CAP2: variants seen among roughly 807,000 people sequenced by gnomAD.
CAP2 encodes adenylyl cyclase-associated protein 2.
In CAP2, 24 loss-of-function variants were observed where a neutral mutation model predicts 57.7. The ratio of observed to expected loss-of-function variants is 0.42; its 90% CI spans 0.30 to 0.58. The LOEUF (loss-of-function observed/expected upper bound fraction) is 0.58. Ranked by LOEUF, CAP2 falls within the 20% of genes least tolerant of loss-of-function variation. The pLI is 0.22. For synonymous variants in CAP2, 194 were observed against 207.2 expected (o/e 0.94, Z 0.55); for missense variants, 501 against 590.3 (o/e 0.85, Z 1.57).
intron 12 of CAP2, among the ~76,000 whole-genome samples, chr6:17,552,931 T>TA (rs148488301): frequency 0.012 from 1,847 of 152,048 alleles, 19 homozygotes; most frequent in Non-Finnish European, 0.019. Flanking sequence ...CATTTCAGTT[T>TA]AAAAAAACAA....
At chr6:17,480,354 T>C (rs1761257460) in intron 4 of CAP2, among the ~76,000 whole-genome samples, 1 of 152,224 alleles carries the variant, frequency 6.6e-6, no homozygotes, top group South Asian at 2.1e-4. Context: ...CTTCTCTTCC[T>C]AATCTGTATA....
chr6:17,426,549 A>G, intron 2 of CAP2, 41 bp from the exon 3 acceptor site: 1 of 1,482,196 alleles, frequency 6.7e-7, no homozygotes, highest in Middle Eastern at 1.8e-4. Flanking sequence ...CCAGGTTTTC[A>G]TTCAACGGCC....
At chr6:17,549,100 A>C (rs542689199) in intron 11 of CAP2, among the ~76,000 whole-genome samples, 1 of 152,344 alleles carries the variant, frequency 6.6e-6, no homozygotes, top group Non-Finnish European at 1.5e-5. Flanking sequence ...CCATGGACTG[A>C]AGAAAGATAT....
At chr6:17,551,436 T>C in intron 11 of CAP2, 28 bp from the exon 12 acceptor site, 1 of 1,557,028 alleles carries the variant, frequency 6.4e-7, no homozygotes, top group Non-Finnish European at 8.8e-7. Flanking sequence ...TTCTTTGCTT[T>C]GGTCCCAGGT....
chr6:17,488,071 A>T (rs1239463926), intron 4 of CAP2, among the ~76,000 whole-genome samples: 4 of 151,634 alleles, frequency 2.6e-5, no homozygotes, highest in Non-Finnish European at 5.9e-5. Flanking sequence ...ACACCCACTT[A>T]GTTTTATTTT....
intron 7 of CAP2, 122 bp downstream of exon 7, chr6:17,514,076 G>C (rs1762216332): frequency 1.4e-6 from 1 of 701,716 alleles, no homozygotes; most frequent in African/African-American, 1.8e-5. Context: ...AAATGTCCAT[G>C]TGGAGGGCCA....
chr6:17,397,820 GT>G (rs1758710042), intron 1 of CAP2, among the ~76,000 whole-genome samples: 1 of 148,792 alleles, frequency 6.7e-6, no homozygotes, highest in African/African-American at 2.5e-5. Context: ...TGGTTCCCAT[GT>G]TTTGCTATTA....
chr6:17,547,937 C>A (rs1341270066), intron 11 of CAP2, among the ~76,000 whole-genome samples: 6 of 150,570 alleles, frequency 4.0e-5, no homozygotes, highest in African/African-American at 1.2e-4. Context: ...TATTTCCCAA[C>A]AAAATAAGTG....
chr6:17,480,978 T>C (rs927169500), intron 4 of CAP2, among the ~76,000 whole-genome samples: 4 of 105,914 alleles, frequency 3.8e-5, no homozygotes, highest in Non-Finnish European at 7.8e-5. Context: ...TTTTTTTTTT[T>C]AGTAGAGACA....
chr6:17,551,350 C>A (rs2113711397), intron 11 of CAP2, 114 bp from the exon 12 acceptor site: 1 of 838,934 alleles, frequency 1.2e-6, no homozygotes, highest in East Asian at 2.5e-5. Flanking sequence ...CCAGTGAATT[C>A]TAATGCTTGG....
chr6:17,535,301 T>A (rs1762746844), intron 7 of CAP2, among the ~76,000 whole-genome samples: 1 of 148,156 alleles, frequency 6.7e-6, no homozygotes, highest in African/African-American at 2.5e-5. Flanking sequence ...TGAGATGGAA[T>A]CTCACTCTTG....
intron 7 of CAP2, chr6:17,530,815 C>T (rs1474339456): frequency 4.8e-6 from 3 of 624,724 alleles, no homozygotes; most frequent in Non-Finnish European, 8.1e-6. Flanking sequence ...TTTTGGTCTC[C>T]CACTTTTTTT....
At position 17,461,992 on chromosome 6, in the gene CAP2, C is replaced by CAAAAAAAAAAAAA. The variant is rs567675285; in HGVS notation, c.223-985_223-973dup. Reference sequence around the variant, plus strand: ...TGGGCAACAGGGCGAGACTCCGTCTCAAAAAAAAAAAAAAAAAAAAAAAAA... The same window carrying CAAAAAAAAAAAAA: ...TGGGCAACAGGGCGAGACTCCGTCTCAAAAAAAAAAAAAAAAAAAAAAAAAAAAAAAAAAAAAA... On this transcript the variant is annotated intron_variant, in intron 3 of 12. Transcript: ENST00000229922. Among the ~76,000 whole-genome samples, 25 of 27,854 alleles carry CAAAAAAAAAAAAA rather than the reference C, an allele frequency of 9.0e-4. 1 individual carries two copies. The highest frequency in any genetic ancestry group is 1.1e-3 in the East Asian group (1 of 908). 18.3% of individuals were successfully genotyped at this position (27,854 alleles called of 152,430 possible).
At chr6:17,450,222 T>G (rs910057088) in intron 3 of CAP2, among the ~76,000 whole-genome samples, 1 of 152,078 alleles carries the variant, frequency 6.6e-6, no homozygotes, top group African/African-American at 2.4e-5. Context: ...CGGCAAATTT[T>G]TGGTATTTTT....
In CAP2 at chr6:17,416,359, G is replaced by T. The variant is rs145106412; in HGVS notation, c.-1-5196G>T. ...GATGGGATGACTTAATAGCTGCAGC[G>T]AACGTTCATTATGACCATGTTCCAG... is the stretch of plus-strand genomic sequence containing the variant. On this transcript the variant is annotated intron_variant, in intron 1 of 12. Coordinates refer to ENST00000229922, the MANE Select transcript of CAP2 (RefSeq NM_006366.3). Among the ~76,000 whole-genome samples, 1,009 of 152,160 alleles carry T rather than the reference G, an allele frequency of 6.6e-3. 10 individuals carry two copies. The highest frequency in any genetic ancestry group is 0.022 in the African/African-American group (915 of 41,526).
chr6:17,535,515 T>A (rs550534720), intron 7 of CAP2, among the ~76,000 whole-genome samples: 1 of 152,164 alleles, frequency 6.6e-6, no homozygotes, highest in South Asian at 2.1e-4. Context: ...CCTCAGGTGA[T>A]CTTCTGCCTC....
intron 11 of CAP2, among the ~76,000 whole-genome samples, chr6:17,546,502 C>T (rs530127841): frequency 1.1e-3 from 163 of 152,230 alleles, no homozygotes; most frequent in South Asian, 2.3e-3. Flanking sequence ...GTTGCCTGTT[C>T]GCTCTGATGG....
At chr6:17,421,426 TA>T in intron 1 of CAP2, 128 bp from the exon 2 acceptor site, 1 of 920,806 alleles carries the variant, frequency 1.1e-6, no homozygotes, top group Non-Finnish European at 1.7e-6. Context: ...ATTTCATGGT[TA>T]AAAAATAAAA....
intron 1 of CAP2, among the ~76,000 whole-genome samples, chr6:17,418,876 C>CTT (rs1004989608): frequency 6.6e-6 from 1 of 151,384 alleles, no homozygotes; most frequent in Non-Finnish European, 1.5e-5. Flanking sequence ...TTTCTCTTTC[C>CTT]TTTTTTTTTC....
Sources: gnomAD v4.1 joint callset for allele counts (sites outside exome capture counted in the v4.1 genomes callset) on GRCh38, gnomAD v4.1.1 for gene constraint, MANE v1.5 for transcripts, NCBI Gene and HGNC (gene_info 2026-07-23, HGNC 2026-07-21) for gene names.